Variants in MAGI3 observed in about 807,000 individuals in gnomAD.
MAGI3 encodes the protein membrane-associated guanylate kinase, WW and PDZ domain-containing protein 3.
In MAGI3, 43 loss-of-function variants were observed where a neutral mutation model predicts 121.8. The observed-to-expected ratio is 0.35, with a 90% CI of 0.28 to 0.46. The LOEUF is 0.46. Ranked by LOEUF, MAGI3 falls within the 20% of genes least tolerant of loss-of-function variation. MAGI3 has a pLI of 1.00. For synonymous variants in MAGI3, 553 were observed against 639.3 expected, an observed-to-expected ratio of 0.86 and a Z score of 2.04; for missense variants, 1,547 against 1,797.3, an observed-to-expected ratio of 0.86 and a Z score of 2.52.
At chr1:113,618,903 T>G (rs533760518) in intron 7 of MAGI3, among the ~76,000 whole-genome samples, 1 of 152,372 alleles carries the variant, frequency 6.6e-6, no homozygotes, top group Admixed American at 6.5e-5. Context: ...GAATTAGACC[T>G]ATTCGAGGTC....
chr1:113,439,862 A>T (rs1396069880), intron 1 of MAGI3, among the ~76,000 whole-genome samples: 3 of 151,006 alleles, frequency 2.0e-5, no homozygotes, highest in Non-Finnish European at 4.4e-5. Context: ...TTCCCCAGTT[A>T]TTAAATACTA....
intron 1 of MAGI3, among the ~76,000 whole-genome samples, chr1:113,423,649 A>C (rs904454019): frequency 6.6e-6 from 1 of 152,118 alleles, no homozygotes; most frequent in African/African-American, 2.4e-5. Flanking sequence ...GTAGGCCTGG[A>C]AAAAGCACCA....
At chr1:113,416,433 T>A (rs1416115195) in intron 1 of MAGI3, among the ~76,000 whole-genome samples, 1 of 129,338 alleles carries the variant, frequency 7.7e-6, no homozygotes, top group Non-Finnish European at 1.6e-5. Context: ...ATAATATATA[T>A]TAATTATATA....
chr1:113,585,832 T>C (rs2101728263), intron 4 of MAGI3, among the ~76,000 whole-genome samples: 1 of 152,302 alleles, frequency 6.6e-6, no homozygotes, highest in African/African-American at 2.4e-5. Flanking sequence ...TAATAAAATA[T>C]ATGCCATTAC....
intron 1 of MAGI3, among the ~76,000 whole-genome samples, chr1:113,531,167 A>T (rs769491574): frequency 6.6e-6 from 1 of 152,146 alleles, no homozygotes; most frequent in Admixed American, 6.5e-5. Context: ...TAATTTTCAT[A>T]TATAAATCAG....
chr1:113,542,039 G>A (rs997148450), intron 1 of MAGI3, among the ~76,000 whole-genome samples: 2 of 152,090 alleles, frequency 1.3e-5, no homozygotes, highest in African/African-American at 2.4e-5. Context: ...ATGGCACTTA[G>A]TGAAGTCTTC....
intron 1 of MAGI3, among the ~76,000 whole-genome samples, chr1:113,525,916 C>T (rs1299909789): frequency 2.0e-5 from 3 of 152,110 alleles, no homozygotes; most frequent in African/African-American, 4.8e-5. Context: ...GCAGGAGAAT[C>T]GCTTGAACTT....
intron 2 of MAGI3, among the ~76,000 whole-genome samples, chr1:113,551,789 A>G (rs1659800844): frequency 6.6e-6 from 1 of 151,918 alleles, no homozygotes; most frequent in Non-Finnish European, 1.5e-5. Context: ...TTCACTGTGT[A>G]GTCATTTTAT....
At chr1:113,528,078 C>A (rs1403268030) in intron 1 of MAGI3, among the ~76,000 whole-genome samples, 3 of 152,046 alleles carry the variant, frequency 2.0e-5, no homozygotes, top group Non-Finnish European at 2.9e-5. Context: ...CCATATTATA[C>A]CTCACAACAC....
intron 1 of MAGI3, among the ~76,000 whole-genome samples, chr1:113,456,658 C>T (rs947372644): frequency 1.3e-5 from 2 of 152,060 alleles, no homozygotes; most frequent in African/African-American, 2.4e-5. Context: ...ATCTTAATGC[C>T]ACAAAAGAGT....
intron 11 of MAGI3, among the ~76,000 whole-genome samples, chr1:113,645,265 C>G (rs1291640031): frequency 6.6e-6 from 1 of 152,162 alleles, no homozygotes; most frequent in African/African-American, 2.4e-5. Flanking sequence ...CTCAGGTGAT[C>G]TGCCCACCTC....
intron 1 of MAGI3, among the ~76,000 whole-genome samples, chr1:113,503,309 GAAAAAAA>G (rs59331456): frequency 1.7e-4 from 6 of 36,136 alleles, no homozygotes; most frequent in East Asian, 1.8e-3. Flanking sequence ...CCTGTCTCAG[GAAAAAAA>G]AAAAAAAAAA....
intron 1 of MAGI3, among the ~76,000 whole-genome samples, chr1:113,459,354 T>G (rs1570706336): frequency 6.6e-6 from 1 of 152,356 alleles, no homozygotes; most frequent in East Asian, 1.9e-4. Flanking sequence ...ACCTATGAAC[T>G]TCATCAAGTA....
At chr1:113,633,127 C>T (rs1651747706) in intron 9 of MAGI3, among the ~76,000 whole-genome samples, 2 of 140,932 alleles carry the variant, frequency 1.4e-5, no homozygotes, top group African/African-American at 5.3e-5. Context: ...TTCTTCACTT[C>T]CCACCTATGA....
chr1:113,453,510 T>C (rs1381130432), intron 1 of MAGI3, among the ~76,000 whole-genome samples: 1 of 152,220 alleles, frequency 6.6e-6, no homozygotes, highest in African/African-American at 2.4e-5. Context: ...TTTAATTAAA[T>C]ATTAAATTGC....
chr1:113,639,794 C>G (rs541356257), intron 9 of MAGI3, among the ~76,000 whole-genome samples: 45 of 152,288 alleles, frequency 3.0e-4, no homozygotes, highest in Admixed American at 1.8e-3. Flanking sequence ...TCTTGAACTC[C>G]TGACCTCAGG....
At chr1:113,578,535 C>T (rs984862019) in intron 2 of MAGI3, among the ~76,000 whole-genome samples, 3 of 152,070 alleles carry the variant, frequency 2.0e-5, no homozygotes, top group Non-Finnish European at 4.4e-5. Context: ...ATCTTCCCAC[C>T]TCAGCCTCAC....
intron 9 of MAGI3, among the ~76,000 whole-genome samples, chr1:113,624,962 C>A (rs1347119302): frequency 6.6e-6 from 1 of 152,128 alleles, no homozygotes; most frequent in Non-Finnish European, 1.5e-5. Flanking sequence ...ATTGAAGAGA[C>A]TATCTTCTCC....
At chr1:113,472,074 C>T (rs113470552) in intron 1 of MAGI3, among the ~76,000 whole-genome samples, 35 of 152,204 alleles carry the variant, frequency 2.3e-4, no homozygotes, top group African/African-American at 6.7e-4. Flanking sequence ...TTTTGTCTGA[C>T]GTAAGAATAG....
Sources: gnomAD v4.1 joint callset for allele counts (sites outside exome capture counted in the v4.1 genomes callset) on GRCh38, gnomAD v4.1.1 for gene constraint, MANE v1.5 for transcripts, NCBI Gene and HGNC (gene_info 2026-07-23, HGNC 2026-07-21) for gene names.